The following TRIM36 variants were observed in gnomAD, a reference collection of about 807,000 sequenced individuals.
The protein encoded by TRIM36 is tripartite motif containing 36.
A neutral mutation model predicts 72.4 loss-of-function variants in TRIM36; 42 were observed. The observed-to-expected ratio is 0.58, with a 90% CI of 0.45 to 0.75. The LOEUF (loss-of-function observed/expected upper bound fraction) is 0.75, where lower values mean the gene tolerates loss of function less well. TRIM36 is among the 30% of genes least tolerant of loss of function. TRIM36 has a pLI of 0.00. For synonymous variants in TRIM36, 315 were observed against 282.8 expected (o/e 1.11, Z -1.14); for missense variants, 913 against 857.1 (o/e 1.07, Z -0.81).
chr5:115,149,830 C>A (rs13358747), intron 2 of TRIM36, among the ~76,000 whole-genome samples: 1 of 151,924 alleles, frequency 6.6e-6, no homozygotes, highest in Non-Finnish European at 1.5e-5. Context: ...GCGATCTCGG[C>A]TCACTGCAAG....
At chr5:115,136,940 C>T (rs959591100) in intron 7 of TRIM36, 60 bp downstream of exon 7, 2 of 1,460,628 alleles carry the variant, frequency 1.4e-6, no homozygotes, top group African/African-American at 2.9e-5. Context: ...CTTGTGTTTT[C>T]TTCCACACAA....
chr5:115,137,573 T>C lies in TRIM36; in HGVS notation c.875A>G (p.Glu292Gly). ...CTCTTCCAGAACTTCAAAGAGCTTT[T>C]CAAAATGTGTAATTGCTTCTTCTTT... ...RAKEEAITHF[E>G]KLFEVLEERK... is the part of the protein sequence containing the mutation. Residue 292 changes from glutamate (E) to glycine (G), a missense_variant, in exon 6 of 10, where the codon GAA (glutamate) becomes GGA (glycine). Transcript: ENST00000513154. 3.7e-6 allele frequency: 6 copies of C among 1,613,302 alleles called. No homozygotes were observed. Among genetic ancestry groups the C allele is most frequent in the Non-Finnish European group, 5.1e-6 (6 of 1,179,794 alleles).
intron 1 of TRIM36, among the ~76,000 whole-genome samples, chr5:115,176,137 A>C (rs1282939921): frequency 6.6e-6 from 1 of 152,200 alleles, no homozygotes; most frequent in African/African-American, 2.4e-5. Flanking sequence ...AAAAAAAATA[A>C]AAATAAAAAT....
chr5:115,144,856 T>C (rs993833064), intron 3 of TRIM36, 112 bp from the exon 4 acceptor site: 2 of 1,159,264 alleles, frequency 1.7e-6, no homozygotes, highest in African/African-American at 1.6e-5. Flanking sequence ...GCCATTTAAG[T>C]GAATATGAAT....
intron 2 of TRIM36, among the ~76,000 whole-genome samples, chr5:115,151,834 G>A (rs1009449409): frequency 9.2e-5 from 14 of 152,174 alleles, no homozygotes; most frequent in African/African-American, 3.4e-4. Flanking sequence ...AAATGGGGAA[G>A]AGTACCACAT....
chr5:115,157,360 C>A (rs575160675), intron 2 of TRIM36, among the ~76,000 whole-genome samples: 1 of 152,134 alleles, frequency 6.6e-6, no homozygotes, highest in East Asian at 1.9e-4. Context: ...GTCAACAGTT[C>A]GAGACCAGCC....
intron 7 of TRIM36, among the ~76,000 whole-genome samples, chr5:115,134,863 C>G (rs1333487041): frequency 1.3e-5 from 2 of 152,122 alleles, no homozygotes; most frequent in Non-Finnish European, 2.9e-5. Context: ...TTTATCATTT[C>G]TTTGCATAGT....
Position 115,169,628 on chromosome 5 carries a change from C to T in TRIM36, c.7G>A (p.Gly3Ser), listed in dbSNP as rs1219610166. 5 of 1,524,456 alleles carry T rather than the reference C, an allele frequency of 3.3e-6. No homozygotes were observed. The highest frequency in any genetic ancestry group is 2.1e-5 in the Admixed American group (1 of 48,716). 94.4% of individuals were successfully genotyped at this position (1,524,456 alleles called of 1,614,324 possible). The change falls in exon 1 of 10, where the codon GGC becomes AGC. Residue 3 changes from glycine to serine, a missense_variant. By Grantham distance (56) the Gly-to-Ser change is moderately conservative. Transcript: ENST00000513154. ...CTCACCGGCGAATCTGAGCCATCGC[C>T]CTCCATGGCTGCCTTCTGCCAGGTG... MEGDGSDSPVTIK... is the reference protein window; with the variant it reads MESDGSDSPVTIK...
intron 1 of TRIM36, among the ~76,000 whole-genome samples, chr5:115,168,386 A>G (rs1278255512): frequency 6.6e-6 from 1 of 152,218 alleles, no homozygotes; most frequent in Non-Finnish European, 1.5e-5. Flanking sequence ...TGAATCCTAT[A>G]GTCAGCATCC....
chr5:115,133,468 T>C (rs577496301), intron 8 of TRIM36, among the ~76,000 whole-genome samples: 2 of 152,320 alleles, frequency 1.3e-5, no homozygotes, highest in East Asian at 3.9e-4. Flanking sequence ...CAAAATTATA[T>C]TTTAGGATAT....
chr5:115,156,735 A>G (rs913401874), intron 2 of TRIM36, among the ~76,000 whole-genome samples: 4 of 152,212 alleles, frequency 2.6e-5, no homozygotes, highest in African/African-American at 7.2e-5. Context: ...CACTGAAAAA[A>G]CCATTGTGGA....
In TRIM36 at chr5:115,145,492, A is replaced by T. The variant is rs546716758; in HGVS notation, c.589-748T>A. 2.0e-5 allele frequency among the ~76,000 whole-genome samples: 3 copies of T among 152,336 alleles called. No individual in the cohort carries two copies. The East Asian group carries it at 5.8e-4, about 29-fold the overall frequency. Reference sequence around the variant, plus strand: ...AACAGATTAGATTTTAAGCAATTGTAACTTGTCTGATAACTTACAGACATT... The same window carrying T: ...AACAGATTAGATTTTAAGCAATTGTTACTTGTCTGATAACTTACAGACATT... On this transcript the variant is annotated intron_variant, in intron 3 of 9. Transcript: ENST00000513154.
intron 1 of TRIM36, among the ~76,000 whole-genome samples, chr5:115,175,859 T>G (rs780170936): frequency 2.6e-4 from 39 of 152,152 alleles, no homozygotes; most frequent in Admixed American, 4.6e-4. Context: ...ATGCGGTGGC[T>G]CACCCCTGTA....
At chr5:115,172,567 CT>C (rs1755164215), upstream of TRIM36, among the ~76,000 whole-genome samples, 1 of 152,146 alleles carries the variant, frequency 6.6e-6, no homozygotes, top group South Asian at 2.1e-4. Flanking sequence ...GAAACCCCCC[CT>C]TTACTAAAAA....
At chr5:115,159,648 C>A (rs1466324290) in intron 2 of TRIM36, 1 of 454,486 alleles carries the variant, frequency 2.2e-6, no homozygotes, top group Non-Finnish European at 4.4e-6. Flanking sequence ...TACCTCTCCA[C>A]CCCACAGATC....
Position 115,169,880 on chromosome 5 carries a change from C to A in TRIM36, c.-246G>T. 1 of 1,302,406 alleles carries A rather than the reference C, an allele frequency of 7.7e-7. No individual in the cohort carries two copies. The highest frequency in any genetic ancestry group is 2.2e-5 in the South Asian group (1 of 46,236). The allele number at this position is 1,302,406 out of a possible 1,614,324, so 80.7% of individuals were successfully genotyped here. On this transcript the variant is annotated 5_prime_UTR_variant, in exon 1 of 10. Transcript: ENST00000513154. ...TACCCCGGGAATCCCGCCCAGCTGC[C>A]GGCTGCAGCAGCGGCTCCTGCGGAC...
Position 115,169,838 on chromosome 5 carries a change from G to A in TRIM36, c.-204C>T. ...AAAAGCACAGGCGCGGGAGAAGCGAGCTTTGCTCCCAGCGACTACCCCGGG... is the reference window on the plus strand; with the variant it reads ...AAAAGCACAGGCGCGGGAGAAGCGAACTTTGCTCCCAGCGACTACCCCGGG... On this transcript the variant is annotated 5_prime_UTR_variant, in exon 1 of 10. Coordinates refer to ENST00000513154, the MANE Select transcript of TRIM36 (RefSeq NM_001300759.2). 7.6e-7 allele frequency: 1 copy of A among 1,316,166 alleles called. No individual in the cohort carries two copies. The highest frequency in any genetic ancestry group is 9.7e-7 in the Non-Finnish European group (1 of 1,030,554). The allele number at this position is 1,316,166 out of a possible 1,614,324, so 81.5% of individuals were successfully genotyped here. A position where few individuals can be genotyped will look rare whatever the true frequency, so the allele number is the denominator to read the frequency against.
intron 1 of TRIM36, among the ~76,000 whole-genome samples, chr5:115,175,566 C>T (rs552597445): frequency 6.6e-6 from 1 of 152,270 alleles, no homozygotes; most frequent in East Asian, 1.9e-4. Context: ...GCACTGCCCA[C>T]AGGTGAGTAT....
intron 1 of TRIM36, 111 bp downstream of exon 1, chr5:115,169,497 C>G: frequency 8.1e-7 from 1 of 1,231,726 alleles, no homozygotes; most frequent in Non-Finnish European, 1.1e-6. Flanking sequence ...ACACGCCTGC[C>G]TTTGCTCTCC....
Sources: allele counts gnomAD v4.1 joint callset (sites outside exome capture counted in the v4.1 genomes callset), GRCh38; gene constraint gnomAD v4.1.1; transcripts MANE v1.5; gene names NCBI Gene and HGNC (gene_info 2026-07-23, HGNC 2026-07-21).